The following USPL1 variants were observed in gnomAD, a reference collection of about 807,000 sequenced individuals.
The protein encoded by USPL1 is ubiquitin specific peptidase like 1, also known as SUMO-specific isopeptidase USPL1.
A neutral mutation model predicts 51.5 loss-of-function variants in USPL1; 27 were observed. That is an observed-to-expected ratio of 0.52 (90% confidence interval 0.39 to 0.72). The LOEUF is 0.72. Ranked by LOEUF, USPL1 falls within the 30% of genes least tolerant of loss-of-function variation. The pLI is 0.00. For synonymous variants in USPL1, 451 were observed against 459.6 expected (o/e 0.98, Z 0.24); for missense variants, 1,226 against 1,268.0 (o/e 0.97, Z 0.50).
rs372132487 is a variant in USPL1 at position 30,650,354 on chromosome 13, A to T, written c.1239-2794A>T. Among the ~76,000 whole-genome samples, 3 of 151,566 alleles carry T rather than the reference A, an allele frequency of 2.0e-5. No individual in the cohort carries two copies. The South Asian group carries it at 6.2e-4, about 31-fold the overall frequency. ...CACTTTGGGAGGCTGAAGCGGACAG[A>T]TCACCTGAGACTAGGAATTTGAGAC... On this transcript the variant is annotated intron_variant, in intron 7 of 8. Coordinates refer to ENST00000255304, the MANE Select transcript of USPL1 (RefSeq NM_005800.5).
At chr13:30,628,268 T>G (rs1180498220) in intron 3 of USPL1, among the ~76,000 whole-genome samples, 1 of 152,118 alleles carries the variant, frequency 6.6e-6, no homozygotes, top group Non-Finnish European at 1.5e-5. Flanking sequence ...GCCTTTTTTG[T>G]GACTGGCTTA....
rs756817752 is a variant in USPL1, at chr13:30,658,733, C to T, written c.2656C>T (p.His886Tyr). Residue 886 changes from histidine (H) to tyrosine (Y), a missense_variant, in exon 9 of 9, where the codon CAT (histidine) becomes TAT (tyrosine). Physicochemically the swap from His to Tyr is moderately conservative, Grantham distance 83 (BLOSUM62 2). Coordinates refer to ENST00000255304, the MANE Select transcript of USPL1 (RefSeq NM_005800.5). ...NHEDLVEGQI[H>Y]KLRLKLRKKL... is the part of the protein sequence containing the mutation. The stretch of plus-strand genomic sequence containing the variant: ...TGAAGACTTGGTGGAAGGTCAGATT[C>T]ATAAACTTCGTCTAAAACTTCGTAA... 2 of 1,614,186 alleles carry T rather than the reference C, an allele frequency of 1.2e-6. No individual in the cohort carries two copies. Among genetic ancestry groups the T allele is most frequent in the East Asian group, 2.2e-5 (1 of 44,886 alleles).
intron 6 of USPL1, among the ~76,000 whole-genome samples, chr13:30,643,703 G>A (rs1323262522): frequency 6.9e-6 from 1 of 145,162 alleles, no homozygotes; most frequent in East Asian, 2.1e-4. Flanking sequence ...TCCACCTCCT[G>A]GGTTAAAGCG....
intron 6 of USPL1, among the ~76,000 whole-genome samples, chr13:30,643,094 C>T (rs1331814891): frequency 1.3e-5 from 2 of 152,124 alleles, no homozygotes; most frequent in African/African-American, 4.8e-5. Context: ...ATTATAGACA[C>T]TAGTTTTAGG....
At chr13:30,628,353 C>A (rs1418042449) in intron 3 of USPL1, among the ~76,000 whole-genome samples, 2 of 151,926 alleles carry the variant, frequency 1.3e-5, no homozygotes, top group African/African-American at 4.8e-5. Context: ...AGTTCCTTTT[C>A]TTTTTTAAGT....
At chr13:30,624,523 A>G (rs1334106747) in intron 3 of USPL1, among the ~76,000 whole-genome samples, 4 of 152,180 alleles carry the variant, frequency 2.6e-5, no homozygotes, top group African/African-American at 7.2e-5. Flanking sequence ...GAGGGGGACT[A>G]CGGGTGCACG....
At chr13:30,651,670 A>G (rs764779866) in intron 7 of USPL1, among the ~76,000 whole-genome samples, 2 of 152,354 alleles carry the variant, frequency 1.3e-5, no homozygotes, top group South Asian at 2.1e-4. Flanking sequence ...AAATATTAGT[A>G]AAGAGTCAGG....
intron 4 of USPL1, among the ~76,000 whole-genome samples, chr13:30,632,831 C>T (rs2137641914): frequency 6.6e-6 from 1 of 152,244 alleles, no homozygotes; most frequent in Non-Finnish European, 1.5e-5. Flanking sequence ...GTAAAAATCA[C>T]CCATAATCAC....
In USPL1 at chr13:30,631,070, ATAG is replaced by A. The variant is rs1950797498; in HGVS notation, c.469_471del (p.Ser157del). 7 of 1,614,062 alleles carry A rather than the reference ATAG, an allele frequency of 4.3e-6. No individual in the cohort carries two copies. The highest frequency in any genetic ancestry group is 5.9e-6 in the Non-Finnish European group (7 of 1,180,044). ...GACGAAACCTCGTCAAACTTACCTG[ATAG>A]TAGTGGTCAACAGAATCCAATTAGG... On this transcript the variant is annotated inframe_deletion, in exon 4 of 9. Transcript: ENST00000255304.
intron 7 of USPL1, among the ~76,000 whole-genome samples, chr13:30,650,441 G>T (rs1951074252): frequency 6.6e-6 from 1 of 151,922 alleles, no homozygotes; most frequent in Non-Finnish European, 1.5e-5. Context: ...GCTGGATATG[G>T]TGGCACATGC....
At chr13:30,626,535 T>C (rs1950719249) in intron 3 of USPL1, among the ~76,000 whole-genome samples, 1 of 152,168 alleles carries the variant, frequency 6.6e-6, no homozygotes, top group Non-Finnish European at 1.5e-5. Flanking sequence ...AATCTAAATA[T>C]TTATTATCTA....
Position 30,642,755 on chromosome 13 carries a change from C to T in USPL1, c.1110C>T (p.Asn370=). The change falls in exon 6 of 9, where the codon AAC becomes AAT. Residue 370 remains asparagine (N), a splice_region_variant and synonymous_variant. Transcript: ENST00000255304. The stretch of plus-strand genomic sequence containing the variant: ...CGCAGTGTGGACACCAATATCAAAA[C>T]AGGTTAGTTTCTTTTGTTTTTTAAA... The part of the protein sequence containing the change: ...ECSQCGHQYQ[N]RHMKSLVTFT... 6.2e-7 allele frequency: 1 copy of T among 1,609,334 alleles called. No homozygotes were observed. The highest frequency in any genetic ancestry group is 8.5e-7 in the Non-Finnish European group (1 of 1,178,696).
chr13:30,641,756 A>AGTTTG (rs1950950481), intron 5 of USPL1, among the ~76,000 whole-genome samples: 1 of 152,234 alleles, frequency 6.6e-6, no homozygotes, highest in Non-Finnish European at 1.5e-5. Flanking sequence ...AAGAGTCCAA[A>AGTTTG]GAGTTGAGGC....
chr13:30,655,191 C>T (rs1951145590), intron 8 of USPL1, among the ~76,000 whole-genome samples: 1 of 152,218 alleles, frequency 6.6e-6, no homozygotes, highest in South Asian at 2.1e-4. Context: ...CCCGCCTCGG[C>T]CTCCCGAAGT....
intron 7 of USPL1, 93 bp downstream of exon 7, chr13:30,647,150 T>C (rs776791629): frequency 7.0e-5 from 94 of 1,339,216 alleles, no homozygotes; most frequent in Non-Finnish European, 9.3e-5. Context: ...GACAACAACT[T>C]ACCTTTCTGA....
Position 30,659,068 on chromosome 13 carries a change from A to T in USPL1, c.2991A>T (p.Gly997=). 1 of 1,614,194 alleles carries T rather than the reference A, an allele frequency of 6.2e-7. No homozygotes were observed. The highest frequency in any genetic ancestry group is 1.1e-5 in the South Asian group (1 of 91,080). ...GGGAAGGTGACTTTAGGTATTTGGG[A>T]ATGGGAGATAGTCATATCCCACCAC... ...ENGEGDFRYL[G]MGDSHIPPPV... is the part of the protein sequence containing the mutation. Residue 997 remains glycine, a synonymous_variant, in exon 9 of 9, where the codon GGA becomes GGT. Coordinates refer to ENST00000255304, the MANE Select transcript of USPL1 (RefSeq NM_005800.5).
At chr13:30,639,598 A>G (rs929963567) in intron 5 of USPL1, among the ~76,000 whole-genome samples, 1 of 152,082 alleles carries the variant, frequency 6.6e-6, no homozygotes, top group African/African-American at 2.4e-5. Flanking sequence ...TGTAATTTAC[A>G]TATAGTAAGA....
chr13:30,625,579 G>A (rs1185263373), intron 3 of USPL1, among the ~76,000 whole-genome samples: 2 of 151,552 alleles, frequency 1.3e-5, no homozygotes. Context: ...CTCAGTAGGT[G>A]AGATTACAGG....
At chr13:30,630,162 A>G (rs966203576) in intron 3 of USPL1, among the ~76,000 whole-genome samples, 3 of 152,112 alleles carry the variant, frequency 2.0e-5, no homozygotes, top group Non-Finnish European at 4.4e-5. Flanking sequence ...GCATATTTTA[A>G]AAGCAGACCT....
Sources: gnomAD v4.1 joint callset for allele counts (sites outside exome capture counted in the v4.1 genomes callset) on GRCh38, gnomAD v4.1.1 for gene constraint, MANE v1.5 for transcripts, NCBI Gene and HGNC (gene_info 2026-07-23, HGNC 2026-07-21) for gene names.